Variants in MAEA observed in about 807,000 individuals in gnomAD.
The protein encoded by MAEA is macrophage erythroblast attacher, E3 ubiquitin ligase.
Under a neutral mutation model 46.2 loss-of-function variants are expected in MAEA, and 22 were observed. The observed-to-expected ratio is 0.48, with a 90% CI of 0.34 to 0.68. MAEA has a LOEUF of 0.68. Ranked by LOEUF, MAEA falls within the 30% of genes least tolerant of loss-of-function variation. MAEA has a pLI of 0.01. For synonymous variants in MAEA, 246 were observed against 222.6 expected (o/e 1.11, Z -0.94); for missense variants, 393 against 558.1 (o/e 0.70, Z 2.98).
intron 1 of MAEA, chr4:1,299,757 C>T (rs1268425860): frequency 6.6e-6 from 1 of 152,350 alleles, no homozygotes; most frequent in African/African-American, 2.4e-5. Flanking sequence ...GTCCCATGTC[C>T]TCACCTCCTT....
chr4:1,315,237 A>G (rs1338821783), intron 2 of MAEA, among the ~76,000 whole-genome samples, 160 bp from the exon 3 acceptor site: 2 of 152,180 alleles, frequency 1.3e-5, no homozygotes, highest in Non-Finnish European at 2.9e-5. Context: ...TGGGCCAGGC[A>G]CACCTGCCTA....
intron 1 of MAEA, among the ~76,000 whole-genome samples, chr4:1,294,214 G>T (rs1734396685): frequency 6.6e-6 from 1 of 152,212 alleles, no homozygotes; most frequent in African/African-American, 2.4e-5. Flanking sequence ...GTGGCTCCCA[G>T]CTCCACTCCC....
intron 7 of MAEA, 74 bp downstream of exon 7, chr4:1,337,068 C>T: frequency 1.3e-6 from 2 of 1,530,442 alleles, no homozygotes; most frequent in African/African-American, 1.4e-5. Context: ...CACGCTGACC[C>T]TGCACCTTGC....
intron 2 of MAEA, among the ~76,000 whole-genome samples, chr4:1,314,663 A>G (rs1736907440): frequency 6.6e-6 from 1 of 152,248 alleles, no homozygotes; most frequent in Non-Finnish European, 1.5e-5. Context: ...GTAAGTGAAA[A>G]TAAACCGACA....
At chr4:1,319,635 C>T (rs1185724297) in intron 3 of MAEA, among the ~76,000 whole-genome samples, 2 of 152,246 alleles carry the variant, frequency 1.3e-5, no homozygotes, top group South Asian at 2.1e-4. Flanking sequence ...CTTTGGGAGA[C>T]CAGGGTGGGA....
intron 1 of MAEA, chr4:1,309,649 G>GTGGA: frequency 6.5e-7 from 1 of 1,531,756 alleles, no homozygotes; most frequent in Non-Finnish European, 8.7e-7. Flanking sequence ...GCGGCTGGAT[G>GTGGA]TGGACCCTGA....
Position 1,327,914 on chromosome 4 carries a change from C to T in MAEA, c.656+211C>T, listed in dbSNP as rs780810411. Among the ~76,000 whole-genome samples, 8 of 152,184 alleles carry T rather than the reference C, an allele frequency of 5.3e-5. No individual in the cohort carries two copies. In the East Asian group the frequency reaches 5.8e-4, roughly 11 times the overall value. Reference sequence around the variant, plus strand: ...GAGGCCTGGAGCCTGGCAGGGCCCCCGCCAAGGTGTGGCCCCAGGTGGGCA... The same window carrying T: ...GAGGCCTGGAGCCTGGCAGGGCCCCTGCCAAGGTGTGGCCCCAGGTGGGCA... On this transcript the variant is annotated intron_variant, in intron 5 of 8. Coordinates refer to ENST00000303400, the MANE Select transcript of MAEA (RefSeq NM_001017405.3).
chr4:1,290,842 G>A (rs1734039308), intron 1 of MAEA, among the ~76,000 whole-genome samples: 1 of 152,232 alleles, frequency 6.6e-6, no homozygotes, highest in Non-Finnish European at 1.5e-5. Flanking sequence ...CCAGCCCCAG[G>A]GCAGTTCAGC....
chr4:1,294,477 A>G (rs1273402629), intron 1 of MAEA, among the ~76,000 whole-genome samples: 1 of 152,140 alleles, frequency 6.6e-6, no homozygotes, highest in Non-Finnish European at 1.5e-5. Flanking sequence ...TGGCTGGGCT[A>G]GGTTGGAGGC....
intron 5 of MAEA, chr4:1,330,328 C>CTCTCTCTCTCTCTCTCTCTCCTCTCT (rs1577226687): frequency 6.3e-6 from 1 of 159,612 alleles, no homozygotes; most frequent in Non-Finnish European, 1.3e-5. Flanking sequence ...CTCTCTCTTT[C>CTCTCTCTCTCTCTCTCTCTCCTCTCT]CGTGTGTGTG....
chr4:1,330,328 C>CTCTCTCT (rs1577226687), intron 5 of MAEA: 17 of 159,656 alleles, frequency 1.1e-4, no homozygotes, highest in African/African-American at 1.8e-4. Context: ...CTCTCTCTTT[C>CTCTCTCT]CGTGTGTGTG....
chr4:1,320,932 C>T (rs777111044), intron 3 of MAEA, among the ~76,000 whole-genome samples: 1 of 152,204 alleles, frequency 6.6e-6, no homozygotes, highest in Non-Finnish European at 1.5e-5. Flanking sequence ...AACCCTGTCT[C>T]TACTAAAAAT....
intron 1 of MAEA, among the ~76,000 whole-genome samples, chr4:1,291,928 A>G (rs971440942): frequency 6.6e-6 from 1 of 152,182 alleles, no homozygotes; most frequent in Admixed American, 6.5e-5. Context: ...ACTTTTTTTC[A>G]TAGAAGTTTT....
chr4:1,334,367 G>C lies in MAEA; in HGVS notation c.765+1502G>C, dbSNP rs188315658. On this transcript the variant is annotated intron_variant, in intron 6 of 8. Transcript: ENST00000303400. The stretch of plus-strand genomic sequence containing the variant: ...GGCAGTCCCAGACCTGCTGCCTTCT[G>C]AAAGCTGCTGGAAGCTCAGCCTGAA... Among the ~76,000 whole-genome samples, 77 of 103,936 alleles carry C rather than the reference G, an allele frequency of 7.4e-4. No individual in the cohort carries two copies. The Middle Eastern group carries it at 0.017, about 23-fold the overall frequency. 68.2% of individuals were successfully genotyped at this position (103,936 alleles called of 152,430 possible).
Position 1,298,729 on chromosome 4 carries a change from G to A in MAEA, c.69+8747G>A, listed in dbSNP as rs113349618. 6.6e-3 allele frequency among the ~76,000 whole-genome samples: 1,012 copies of A among 152,188 alleles called. 2 individuals are homozygous for A. Among genetic ancestry groups the A allele is most frequent in the Non-Finnish European group, 0.011 (736 of 68,002 alleles). On this transcript the variant is annotated intron_variant, in intron 1 of 8. Transcript: ENST00000303400. ...TGTTGCTGTGAGCACCGCTGCCTTGGTGCTCTCACAGGGTCTAGTGGACTG... is the reference window on the plus strand; with the variant it reads ...TGTTGCTGTGAGCACCGCTGCCTTGATGCTCTCACAGGGTCTAGTGGACTG...
rs539974287 is a variant in MAEA at position 1,289,901 on chromosome 4, T to C, written c.-13T>C. Reference sequence around the variant, plus strand: ...GCGCGTCCCCCGCCCGCTAATGTTTTGGCCGCTTCAAGATGGCGGTGCAGG... The same window carrying C: ...GCGCGTCCCCCGCCCGCTAATGTTTCGGCCGCTTCAAGATGGCGGTGCAGG... On this transcript the variant is annotated 5_prime_UTR_variant, in exon 1 of 9. Coordinates refer to ENST00000303400, the MANE Select transcript of MAEA (RefSeq NM_001017405.3). 888 of 1,593,150 alleles carry C rather than the reference T, an allele frequency of 5.6e-4. 12 individuals are homozygous for C. The South Asian group carries it at 9.3e-3, about 17-fold the overall frequency.
intron 1 of MAEA, among the ~76,000 whole-genome samples, chr4:1,292,356 A>G (rs920203156): frequency 5.3e-5 from 8 of 152,170 alleles, no homozygotes; most frequent in Non-Finnish European, 1.5e-5. Context: ...GCTTCCTCAC[A>G]GCGTCAGGGC....
intron 7 of MAEA, chr4:1,338,151 C>T (rs1028071535): frequency 2.1e-5 from 9 of 423,456 alleles, no homozygotes; most frequent in African/African-American, 4.0e-5. Flanking sequence ...GGGGAGAGGG[C>T]GGCGGGCGAC....
At chr4:1,326,443 C>T (rs552286953) in intron 4 of MAEA, among the ~76,000 whole-genome samples, 7 of 152,318 alleles carry the variant, frequency 4.6e-5, no homozygotes, top group East Asian at 3.9e-4. Flanking sequence ...CCGTAGAATC[C>T]GCGTCTCATC....
Sources: gnomAD v4.1 joint callset for allele counts (sites outside exome capture counted in the v4.1 genomes callset) on GRCh38, gnomAD v4.1.1 for gene constraint, MANE v1.5 for transcripts, NCBI Gene and HGNC (gene_info 2026-07-23, HGNC 2026-07-21) for gene names.